The following MICAL3 variants were observed in gnomAD, a reference collection of about 807,000 sequenced individuals.
MICAL3 encodes microtubule associated monooxygenase, calponin and LIM domain containing 3, also known as [F-actin]-monooxygenase MICAL3.
A neutral mutation model predicts 207.4 loss-of-function variants in MICAL3; 62 were observed. The ratio of observed to expected loss-of-function variants is 0.30; its 90% CI spans 0.24 to 0.37. The LOEUF is 0.37. MICAL3 is among the 10% of genes least tolerant of loss of function. The probability of loss-of-function intolerance (pLI) is 1.00; values close to 1 mark genes in which losing one functional copy is unlikely to be tolerated. For synonymous variants in MICAL3, 1,077 were observed against 1,069.3 expected, an observed-to-expected ratio of 1.01 and a Z score of -0.14; for missense variants, 2,368 against 2,635.6, an observed-to-expected ratio of 0.90 and a Z score of 2.22.
intron 16 of MICAL3, chr22:17,879,352 A>T: frequency 2.5e-6 from 4 of 1,610,036 alleles, no homozygotes; most frequent in Non-Finnish European, 3.4e-6. Context: ...TTACCCTCTC[A>T]TGGTGGGGGC....
At chr22:17,801,633 C>T (rs2145969234) in intron 29 of MICAL3, among the ~76,000 whole-genome samples, 1 of 151,562 alleles carries the variant, frequency 6.6e-6, no homozygotes, top group African/African-American at 2.4e-5. Context: ...GTGGCTCAGG[C>T]CTGTAATCCC....
At chr22:17,907,233 A>C (rs116771257) in intron 1 of MICAL3, among the ~76,000 whole-genome samples, 1 of 151,760 alleles carries the variant, frequency 6.6e-6, no homozygotes, top group African/African-American at 2.4e-5. Context: ...GGGGGTCCCC[A>C]CTGAAGGCGA....
At chr22:17,816,805 C>A (rs370190427) in intron 26 of MICAL3, 21 bp from the exon 27 acceptor site, 94 of 1,534,132 alleles carry the variant, frequency 6.1e-5, no homozygotes, top group Non-Finnish European at 7.2e-5. Context: ...AGGGAGGCCA[C>A]GTGAGGACAG....
chr22:17,881,731 G>C (rs1011829293), intron 16 of MICAL3, among the ~76,000 whole-genome samples: 3 of 152,208 alleles, frequency 2.0e-5, no homozygotes, highest in Admixed American at 2.0e-4. Flanking sequence ...AGCTGTGATA[G>C]TGGCTGGCAC....
rs538652653 is a variant in MICAL3, at chr22:17,851,002, G to T, written c.2606-8985C>A. Reference sequence around the variant, plus strand: ...CCTGATGGCTGCTTCTTGGCGTTGGGAGGCTGTGGACATGTCTAAAGCACT... The same window carrying T: ...CCTGATGGCTGCTTCTTGGCGTTGGTAGGCTGTGGACATGTCTAAAGCACT... On this transcript the variant is annotated intron_variant, in intron 19 of 31. Coordinates refer to ENST00000441493, the MANE Select transcript of MICAL3 (RefSeq NM_015241.3). Among the ~76,000 whole-genome samples, 135 of 152,292 alleles carry T rather than the reference G, an allele frequency of 8.9e-4. 1 individual carries two copies. Among genetic ancestry groups the T allele is most frequent in the Non-Finnish European group, 1.7e-3 (116 of 68,030 alleles).
rs1273511170 is a variant in MICAL3, at chr22:17,788,799, G to A, written c.*1933C>T. On this transcript the variant is annotated 3_prime_UTR_variant, in exon 32 of 32. Coordinates refer to ENST00000441493, the MANE Select transcript of MICAL3 (RefSeq NM_015241.3). ...ACAGGTTCTTTGCTCCTTTGCAGCT[G>A]GGATGAATGTTCAAGTTGAAGCACA... is the stretch of plus-strand genomic sequence containing the variant. The A allele has an allele frequency of 6.6e-6, 1 of 152,544 alleles. No individual in the cohort carries two copies. Among genetic ancestry groups the A allele is most frequent in the African/African-American group, 2.4e-5 (1 of 41,610 alleles). 9.4% of individuals were successfully genotyped at this position (152,544 alleles called of 1,614,324 possible).
intron 1 of MICAL3, among the ~76,000 whole-genome samples, chr22:18,015,126 A>G (rs998443730): frequency 1.3e-5 from 2 of 152,214 alleles, no homozygotes; most frequent in Non-Finnish European, 2.9e-5. Context: ...GTCAGTAGAT[A>G]TTCACAAACT....
intron 14 of MICAL3, 32 bp from the exon 15 acceptor site, chr22:17,887,264 T>G: frequency 6.2e-7 from 1 of 1,611,648 alleles, no homozygotes; most frequent in Non-Finnish European, 8.5e-7. Context: ...ACTGCATTAT[T>G]CTAGCCATAC....
rs770858360 is a variant in MICAL3 at position 17,818,453 on chromosome 22, G to C, written c.4208C>G (p.Thr1403Ser). 1.9e-6 allele frequency: 3 copies of C among 1,613,032 alleles called. No individual in the cohort carries two copies. The highest frequency in any genetic ancestry group is 1.1e-5 in the South Asian group (1 of 91,090). The change falls in exon 26 of 32, where the codon ACC becomes AGC. Residue 1403 changes from threonine (T) to serine (S), a missense_variant. Around this residue, in one of 4 missense-constraint regions of MICAL3, gnomAD observed 1,770 missense variants for 1,863.2 expected, o/e 0.95. Transcript: ENST00000441493. ...KPEGEPLSLP[T>S]PRSPSDRELR... is the part of the protein sequence containing the mutation. ...CTCTCTGTCGGACGGGGACCGGGGGGTTGGCAGGGACAACGGCTCGCCTTC... is the reference window on the plus strand; with the variant it reads ...CTCTCTGTCGGACGGGGACCGGGGGCTTGGCAGGGACAACGGCTCGCCTTC...
intron 19 of MICAL3, among the ~76,000 whole-genome samples, chr22:17,859,528 C>A (rs574755379): frequency 8.3e-4 from 127 of 152,348 alleles, no homozygotes; most frequent in African/African-American, 2.7e-3. Flanking sequence ...GTTTTTAATG[C>A]AGGCTAGTCC....
chr22:17,979,390 C>A (rs545482293), intron 1 of MICAL3, among the ~76,000 whole-genome samples: 1 of 151,920 alleles, frequency 6.6e-6, no homozygotes, highest in African/African-American at 2.4e-5. Context: ...ACTAAAAATA[C>A]AAAAATTAGC....
At chr22:17,819,230 T>G (rs1429764835) in intron 25 of MICAL3, 101 bp from the exon 26 acceptor site, 1 of 1,215,712 alleles carries the variant, frequency 8.2e-7, no homozygotes, top group Non-Finnish European at 1.1e-6. Flanking sequence ...CACCTGTGCC[T>G]GCTGCAGGAC....
chr22:17,834,377 GCACTT>G, intron 20 of MICAL3: 1 of 1,250,968 alleles, frequency 8.0e-7, no homozygotes, highest in Non-Finnish European at 1.0e-6. Context: ...CCCTCACAAC[GCACTT>G]GCTAGACACT....
chr22:17,865,047 C>G, intron 18 of MICAL3, 61 bp from the exon 19 acceptor site: 1 of 1,492,308 alleles, frequency 6.7e-7, no homozygotes, highest in Non-Finnish European at 9.0e-7. Flanking sequence ...ATCCTCAAAT[C>G]CCTAGAGGCA....
chr22:18,006,987 G>A (rs1265229624), intron 1 of MICAL3, among the ~76,000 whole-genome samples: 2 of 152,188 alleles, frequency 1.3e-5, no homozygotes, highest in Non-Finnish European at 2.9e-5. Context: ...CAACTGAGTA[G>A]CTGAGATTAC....
At chr22:17,892,590 CT>C (rs2146236281) in intron 11 of MICAL3, among the ~76,000 whole-genome samples, 1 of 152,270 alleles carries the variant, frequency 6.6e-6, no homozygotes, top group African/African-American at 2.4e-5. Flanking sequence ...CAGAAATGAG[CT>C]TTTACTCAGA....
In MICAL3 at chr22:17,818,939, C is replaced by T; in HGVS notation, c.3722G>A (p.Ser1241Asn). The change falls in exon 26 of 32, where the codon AGC becomes AAC. Residue 1241 changes from serine (S) to asparagine (N), a missense_variant. Physicochemically the swap from Ser to Asn is conservative, Grantham distance 46. Coordinates refer to ENST00000441493, the MANE Select transcript of MICAL3 (RefSeq NM_015241.3). ...PEARTPVSPG[S>N]PQPQPPVAAS... ...CGCCACGGGTGGCTGGGGCTGCGGGCTCCCTGGTGAGACAGGAGTCCTAGC... is the reference window on the plus strand; with the variant it reads ...CGCCACGGGTGGCTGGGGCTGCGGGTTCCCTGGTGAGACAGGAGTCCTAGC... The T allele has an allele frequency of 6.3e-7, 1 of 1,589,302 alleles. No individual in the cohort carries two copies. Among genetic ancestry groups the T allele is most frequent in the Non-Finnish European group, 8.6e-7 (1 of 1,167,634 alleles).
At chr22:18,016,720 C>T (rs1484950492) in intron 1 of MICAL3, among the ~76,000 whole-genome samples, 1 of 152,104 alleles carries the variant, frequency 6.6e-6, no homozygotes, top group African/African-American at 2.4e-5. Flanking sequence ...GCAGGCGGAT[C>T]ACGAGGTCAG....
intron 1 of MICAL3, among the ~76,000 whole-genome samples, chr22:17,987,218 G>A (rs977601952): frequency 3.9e-5 from 6 of 152,152 alleles, no homozygotes; most frequent in Admixed American, 1.3e-4. Flanking sequence ...TCCAGCCTGG[G>A]TGACAGAGCA....
Sources: gnomAD v4.1 joint callset for allele counts (sites outside exome capture counted in the v4.1 genomes callset) on GRCh38, gnomAD v4.1.1 for gene constraint, gnomAD v4.1.1 regional missense constraint, MANE v1.5 for transcripts, NCBI Gene and HGNC (gene_info 2026-07-23, HGNC 2026-07-21) for gene names.